Variants in DLG2 observed in about 807,000 individuals in gnomAD.
DLG2 encodes the protein disks large homolog 2.
A neutral mutation model predicts 132.5 loss-of-function variants in DLG2; 45 were observed. The observed-to-expected ratio is 0.34, with a 90% CI of 0.27 to 0.44. The LOEUF is 0.44. Ranked by LOEUF, DLG2 falls within the 20% of genes least tolerant of loss-of-function variation. DLG2 has a pLI of 1.00. For synonymous variants in DLG2, 424 were observed against 419.6 expected, an observed-to-expected ratio of 1.01 and a Z score of -0.13; for missense variants, 1,045 against 1,196.9, an observed-to-expected ratio of 0.87 and a Z score of 1.87.
intron 6 of DLG2, among the ~76,000 whole-genome samples, chr11:85,034,143 T>C (rs1182625684): frequency 6.6e-6 from 1 of 151,626 alleles, no homozygotes; most frequent in African/African-American, 2.4e-5. Flanking sequence ...AGTGGCGCAA[T>C]TTCGGCTCAC....
chr11:84,681,058 G>A (rs544899729), intron 6 of DLG2, among the ~76,000 whole-genome samples: 1 of 152,248 alleles, frequency 6.6e-6, no homozygotes, highest in Admixed American at 6.5e-5. Flanking sequence ...GAACAGCACT[G>A]CATATCAAAT....
intron 18 of DLG2, among the ~76,000 whole-genome samples, chr11:83,709,356 TAC>T (rs1045956850): frequency 1.2e-4 from 17 of 147,764 alleles, no homozygotes; most frequent in South Asian, 4.2e-4. Context: ...ATAATATATA[TAC>T]ACACACACAC....
At chr11:83,785,664 G>C (rs2095027353) in intron 18 of DLG2, among the ~76,000 whole-genome samples, 1 of 152,258 alleles carries the variant, frequency 6.6e-6, no homozygotes, top group Admixed American at 6.5e-5. Context: ...TTCATGGGCA[G>C]ACCATGTGAT....
intron 6 of DLG2, among the ~76,000 whole-genome samples, chr11:84,996,058 A>T (rs1477536404): frequency 1.3e-5 from 2 of 149,536 alleles, no homozygotes; most frequent in Non-Finnish European, 3.0e-5. Flanking sequence ...TTTGTGGACA[A>T]TTTTTTTTTT....
chr11:85,470,170 G>T (rs1407411195), intron 3 of DLG2, among the ~76,000 whole-genome samples: 2 of 148,596 alleles, frequency 1.3e-5, no homozygotes, highest in Admixed American at 1.3e-4. Flanking sequence ...AGTAACTTTG[G>T]TGAAAAATCA....
At position 84,307,695 on chromosome 11, in the gene DLG2, C is replaced by CAAAAAAAAAAAAAAAAAAAAAA. The variant is rs1222486667; in HGVS notation, c.520-56405_520-56404insTTTTTTTTTTTTTTTTTTTTTT. Among the ~76,000 whole-genome samples, 176 of 77,966 alleles carry CAAAAAAAAAAAAAAAAAAAAAA rather than the reference C, an allele frequency of 2.3e-3. 4 individuals are homozygous for CAAAAAAAAAAAAAAAAAAAAAA. The highest frequency in any genetic ancestry group is 3.2e-3 in the Non-Finnish European group (124 of 38,440). The allele number at this position is 77,966 out of a possible 152,430, so 51.1% of individuals were successfully genotyped here. A position where few individuals can be genotyped will look rare whatever the true frequency, so the allele number is the denominator to read the frequency against. ...TGGGTGAAAGAGCGAGACGCAGTCT[C>CAAAAAAAAAAAAAAAAAAAAAA]AAAAAAAAAAAAAAAAAAAAAGAAG... On this transcript the variant is annotated intron_variant, in intron 7 of 27. Coordinates refer to ENST00000376104, the MANE Select transcript of DLG2 (RefSeq NM_001142699.3).
At chr11:84,943,780 AT>A (rs2049811560) in intron 6 of DLG2, among the ~76,000 whole-genome samples, 1 of 152,182 alleles carries the variant, frequency 6.6e-6, no homozygotes, top group Admixed American at 6.5e-5. Flanking sequence ...TTTGTATACC[AT>A]AATTACAGTG....
chr11:84,783,701 A>G (rs1426050752), intron 6 of DLG2, among the ~76,000 whole-genome samples: 5 of 152,208 alleles, frequency 3.3e-5, no homozygotes, highest in Non-Finnish European at 7.3e-5. Context: ...TCAAACTCAG[A>G]GAAGCCTAAA....
chr11:83,914,617 A>C (rs1290876965), intron 15 of DLG2, among the ~76,000 whole-genome samples: 3 of 152,148 alleles, frequency 2.0e-5, no homozygotes, highest in African/African-American at 7.2e-5. Flanking sequence ...CTTTTTAAAA[A>C]ATTCTCATTT....
chr11:84,411,631 A>C (rs1222251286), intron 7 of DLG2, among the ~76,000 whole-genome samples: 1 of 152,158 alleles, frequency 6.6e-6, no homozygotes, highest in Non-Finnish European at 1.5e-5. Flanking sequence ...GATGGTAGTA[A>C]GCTAGGGTTC....
intron 6 of DLG2, among the ~76,000 whole-genome samples, chr11:84,607,095 C>T (rs914209276): frequency 6.6e-6 from 1 of 152,058 alleles, no homozygotes; most frequent in Admixed American, 6.6e-5. Context: ...CTAAAACAGC[C>T]AGACACACTA....
intron 6 of DLG2, among the ~76,000 whole-genome samples, chr11:84,812,187 G>A (rs993671038): frequency 6.6e-6 from 1 of 152,104 alleles, no homozygotes; most frequent in African/African-American, 2.4e-5. Context: ...TAAATTTGTG[G>A]AAAACTAATA....
At chr11:85,521,750 A>G (rs2074329574) in intron 3 of DLG2, among the ~76,000 whole-genome samples, 1 of 152,206 alleles carries the variant, frequency 6.6e-6, no homozygotes, top group Non-Finnish European at 1.5e-5. Flanking sequence ...TGGGAACTAG[A>G]GAAAAGTTGA....
intron 11 of DLG2, among the ~76,000 whole-genome samples, chr11:84,055,230 C>A (rs1945813): frequency 0.63 from 96,179 of 151,574 alleles, 33,301 homozygotes; most frequent in Non-Finnish European, 0.78. Context: ...CCTTGAAACA[C>A]CACCATATAT....
chr11:84,554,668 C>T (rs2099408432), intron 6 of DLG2, among the ~76,000 whole-genome samples: 1 of 152,048 alleles, frequency 6.6e-6, no homozygotes, highest in Non-Finnish European at 1.5e-5. Flanking sequence ...ATCACTTGAA[C>T]ACAGGATGGG....
chr11:85,009,424 C>CTGTA (rs2058965351), intron 6 of DLG2, among the ~76,000 whole-genome samples: 1 of 151,926 alleles, frequency 6.6e-6, no homozygotes, highest in Non-Finnish European at 1.5e-5. Context: ...CAGAAACAAG[C>CTGTA]CATAAATAAG....
intron 4 of DLG2, among the ~76,000 whole-genome samples, chr11:85,182,861 T>C (rs1254795327): frequency 6.7e-6 from 1 of 149,620 alleles, no homozygotes; most frequent in Admixed American, 6.7e-5. Context: ...GGCAACTAGA[T>C]AATGTGGGTT....
chr11:85,237,962 A>C (rs984410379), intron 4 of DLG2, among the ~76,000 whole-genome samples: 6 of 152,074 alleles, frequency 3.9e-5, no homozygotes, highest in African/African-American at 1.4e-4. Context: ...AAAATATTAT[A>C]GTAGAGTTTG....
chr11:84,718,891 A>G (rs866314564), intron 6 of DLG2, among the ~76,000 whole-genome samples: 1 of 152,232 alleles, frequency 6.6e-6, no homozygotes, highest in Non-Finnish European at 1.5e-5. Flanking sequence ...AGGAACAACA[A>G]GCTACTCTTT....
Sources: allele counts gnomAD v4.1 joint callset (sites outside exome capture counted in the v4.1 genomes callset), GRCh38; gene constraint gnomAD v4.1.1; transcripts MANE v1.5; gene names NCBI Gene and HGNC (gene_info 2026-07-23, HGNC 2026-07-21).